Variants in GPC5 observed in about 807,000 individuals in gnomAD.
GPC5 encodes glypican-5.
In GPC5, 47 loss-of-function variants were observed where a neutral mutation model predicts 53.9. That is an observed-to-expected ratio of 0.87 (90% CI 0.69 to 1.11). The LOEUF (loss-of-function observed/expected upper bound fraction) is 1.11, where lower values mean the gene tolerates loss of function less well. Among genes scored for constraint, GPC5 ranks in the 50% most tolerant of loss-of-function variants. GPC5 has a pLI of 0.00. For missense variants in GPC5, 748 were observed against 713.1 expected (o/e 1.05, Z -0.56); for synonymous variants, 286 against 263.3 (o/e 1.09, Z -0.84).
At chr13:91,816,423 A>T (rs1353750866) in intron 5 of GPC5, among the ~76,000 whole-genome samples, 1 of 152,076 alleles carries the variant, frequency 6.6e-6, no homozygotes, top group Admixed American at 6.5e-5. Context: ...GCTTTCAGGG[A>T]GGGAAAGGAT....
chr13:91,931,168 C>A (rs937674277), intron 6 of GPC5, among the ~76,000 whole-genome samples: 4 of 151,874 alleles, frequency 2.6e-5, no homozygotes, highest in Admixed American at 6.6e-5. Context: ...GTAATAGTTT[C>A]TTTGGAGAAA....
intron 7 of GPC5, among the ~76,000 whole-genome samples, chr13:92,150,193 G>A (rs1440432563): frequency 6.6e-6 from 1 of 151,794 alleles, no homozygotes; most frequent in Non-Finnish European, 1.5e-5. Flanking sequence ...GCAAGACATT[G>A]AAAGTAATCT....
chr13:92,677,261 C>T (rs1183432079), intron 7 of GPC5, among the ~76,000 whole-genome samples: 1 of 152,096 alleles, frequency 6.6e-6, no homozygotes, highest in South Asian at 2.1e-4. Flanking sequence ...ATAAATAGCA[C>T]CACTCTTTTA....
At chr13:92,008,124 G>A (rs1289802019) in intron 6 of GPC5, among the ~76,000 whole-genome samples, 6 of 148,312 alleles carry the variant, frequency 4.0e-5, no homozygotes, top group Non-Finnish European at 8.9e-5. Flanking sequence ...GTGCAGTGGC[G>A]CAATCTCGGC....
At chr13:92,208,895 A>G (rs954258257) in intron 7 of GPC5, among the ~76,000 whole-genome samples, 1 of 152,344 alleles carries the variant, frequency 6.6e-6, no homozygotes, top group African/African-American at 2.4e-5. Flanking sequence ...CCCAACAATG[A>G]CAGAAAGCAC....
intron 5 of GPC5, among the ~76,000 whole-genome samples, chr13:91,760,032 A>G (rs1249980177): frequency 6.6e-6 from 1 of 152,074 alleles, no homozygotes; most frequent in African/African-American, 2.4e-5. Flanking sequence ...TTTAATTTGT[A>G]TTGTACATAC....
chr13:92,695,413 C>T (rs920167625), intron 7 of GPC5, among the ~76,000 whole-genome samples: 1 of 152,092 alleles, frequency 6.6e-6, no homozygotes, highest in Non-Finnish European at 1.5e-5. Flanking sequence ...GCTTATAAGT[C>T]CTGATGGCAT....
chr13:91,914,810 G>GTT (rs1483992528), intron 6 of GPC5, among the ~76,000 whole-genome samples: 2 of 151,956 alleles, frequency 1.3e-5, no homozygotes, highest in Non-Finnish European at 2.9e-5. Context: ...AAAAATGTTA[G>GTT]TATCTCTGAA....
At chr13:91,796,333 G>T (rs1344678688) in intron 5 of GPC5, among the ~76,000 whole-genome samples, 3 of 152,180 alleles carry the variant, frequency 2.0e-5, no homozygotes, top group Non-Finnish European at 4.4e-5. Context: ...GGATCTGGAG[G>T]GTTGGAAGTC....
intron 7 of GPC5, among the ~76,000 whole-genome samples, chr13:92,637,219 G>A (rs764680121): frequency 1.3e-4 from 20 of 152,054 alleles, no homozygotes; most frequent in East Asian, 1.9e-4. Context: ...TTAGCTAATC[G>A]ATTGCAAAAT....
At chr13:92,260,564 A>G (rs1231534464) in intron 7 of GPC5, among the ~76,000 whole-genome samples, 2 of 151,778 alleles carry the variant, frequency 1.3e-5, no homozygotes, top group African/African-American at 2.4e-5. Context: ...TTTCACCCCC[A>G]CTGCACCCGG....
rs530908363 is a variant in GPC5, at chr13:91,788,961, C to T, written c.1280+32541C>T. ...GGGCATGGTGGCTCAGATCTGTAAT[C>T]CCAGCACTTTGGGAGGCCAAGGCAG... On this transcript the variant is annotated intron_variant, in intron 5 of 7. Transcript: ENST00000377067. Among the ~76,000 whole-genome samples, 4 of 152,242 alleles carry T rather than the reference C, an allele frequency of 2.6e-5. No homozygotes were observed. In the South Asian group the frequency reaches 8.3e-4, roughly 32 times the overall value.
At chr13:91,403,463 ATTAAGG>A (rs1213479551) in intron 1 of GPC5, among the ~76,000 whole-genome samples, 2 of 152,168 alleles carry the variant, frequency 1.3e-5, no homozygotes, top group Admixed American at 1.3e-4. Context: ...TGTTAGAAAG[ATTAAGG>A]TGGGGTAGTT....
intron 1 of GPC5, among the ~76,000 whole-genome samples, chr13:91,400,048 G>C (rs966005543): frequency 3.3e-5 from 5 of 152,204 alleles, no homozygotes; most frequent in Non-Finnish European, 7.3e-5. Flanking sequence ...GGGAGTTCCA[G>C]TGTAGGTTCT....
At chr13:91,750,279 T>C (rs1242458119) in intron 4 of GPC5, among the ~76,000 whole-genome samples, 1 of 152,196 alleles carries the variant, frequency 6.6e-6, no homozygotes, top group Non-Finnish European at 1.5e-5. Flanking sequence ...CTATTTTCTT[T>C]TAAATATGGT....
intron 7 of GPC5, among the ~76,000 whole-genome samples, chr13:92,228,540 G>A (rs1334145457): frequency 6.6e-6 from 1 of 152,096 alleles, no homozygotes; most frequent in Non-Finnish European, 1.5e-5. Context: ...TAAAGTATGT[G>A]AGAATTTGGT....
chr13:92,441,135 G>A (rs1315454882), intron 7 of GPC5, among the ~76,000 whole-genome samples: 3 of 152,028 alleles, frequency 2.0e-5, no homozygotes, highest in South Asian at 2.1e-4. Context: ...GCAGTGGCAC[G>A]ATCTCGGCTC....
intron 7 of GPC5, among the ~76,000 whole-genome samples, chr13:92,712,521 CAAT>C (rs1296196961): frequency 6.6e-6 from 1 of 151,658 alleles, no homozygotes; most frequent in Non-Finnish European, 1.5e-5. Context: ...GGCACCTACA[CAAT>C]GAGTTGTTAG....
At chr13:91,402,984 G>A (rs1207527146) in intron 1 of GPC5, among the ~76,000 whole-genome samples, 3 of 152,196 alleles carry the variant, frequency 2.0e-5, no homozygotes, top group Non-Finnish European at 4.4e-5. Context: ...CCACACCACC[G>A]TTCTTCTGTC....
Sources: gnomAD v4.1 joint callset for allele counts (sites outside exome capture counted in the v4.1 genomes callset) on GRCh38, gnomAD v4.1.1 for gene constraint, MANE v1.5 for transcripts, NCBI Gene and HGNC (gene_info 2026-07-23, HGNC 2026-07-21) for gene names.